NRXN3: variants seen among roughly 807,000 people sequenced by gnomAD.
NRXN3 encodes neurexin III.
In NRXN3, 32 loss-of-function variants were observed where a neutral mutation model predicts 137.6. The observed-to-expected ratio is 0.23, with a 90% CI of 0.18 to 0.31. The LOEUF is 0.31. NRXN3 is among the 10% of genes least tolerant of loss of function. The pLI, the probability that NRXN3 is intolerant of heterozygous loss-of-function variation, is 1.00. For synonymous variants in NRXN3, 798 were observed against 784.5 expected, an observed-to-expected ratio of 1.02 and a Z score of -0.29; for missense variants, 1,574 against 2,062.5, an observed-to-expected ratio of 0.76 and a Z score of 4.59.
intron 19 of NRXN3, among the ~76,000 whole-genome samples, chr14:79,743,491 G>A (rs1275026347): frequency 6.6e-6 from 1 of 152,030 alleles, no homozygotes; most frequent in Non-Finnish European, 1.5e-5. Flanking sequence ...CACAAACTTG[G>A]GCTAACAATG....
chr14:78,195,670 C>T (rs1173858914), intron 1 of NRXN3, among the ~76,000 whole-genome samples: 1 of 151,986 alleles, frequency 6.6e-6, no homozygotes, highest in Non-Finnish European at 1.5e-5. Context: ...CTTGGGTGGG[C>T]GTGAACTAGG....
chr14:79,457,632 C>T (rs935201097), intron 15 of NRXN3, among the ~76,000 whole-genome samples: 3 of 152,216 alleles, frequency 2.0e-5, no homozygotes, highest in Non-Finnish European at 4.4e-5. Flanking sequence ...CCAGAAAAAT[C>T]GTGTTGTATG....
At chr14:78,293,413 G>A (rs768978443) in intron 3 of NRXN3, among the ~76,000 whole-genome samples, 1 of 152,042 alleles carries the variant, frequency 6.6e-6, no homozygotes, top group Non-Finnish European at 1.5e-5. Flanking sequence ...CTCTTTATGT[G>A]TCATACAGAA....
intron 2 of NRXN3, among the ~76,000 whole-genome samples, chr14:78,255,905 T>C (rs919853936): frequency 2.6e-5 from 4 of 152,320 alleles, no homozygotes; most frequent in African/African-American, 9.6e-5. Flanking sequence ...ATCTGTTGAA[T>C]AAATTAATCA....
intron 4 of NRXN3, among the ~76,000 whole-genome samples, chr14:78,475,687 A>C (rs2095366247): frequency 6.6e-6 from 1 of 152,246 alleles, no homozygotes; most frequent in South Asian, 2.1e-4. Flanking sequence ...CCTCTGCTAC[A>C]ATCAGCTAAG....
intron 2 of NRXN3, among the ~76,000 whole-genome samples, chr14:78,254,276 A>G (rs2069133066): frequency 6.6e-6 from 1 of 152,140 alleles, no homozygotes; most frequent in South Asian, 2.1e-4. Context: ...CTCTTTTGTC[A>G]GTGCCTCATT....
At chr14:79,306,316 A>T (rs1203799467) in intron 15 of NRXN3, among the ~76,000 whole-genome samples, 4 of 151,506 alleles carry the variant, frequency 2.6e-5, no homozygotes, top group African/African-American at 9.7e-5. Flanking sequence ...CATTTAGACA[A>T]CTCTTCCTTT....
chr14:79,189,955 G>A (rs770838283), intron 15 of NRXN3, among the ~76,000 whole-genome samples: 1 of 152,094 alleles, frequency 6.6e-6, no homozygotes, highest in South Asian at 2.1e-4. Flanking sequence ...ATTTATGGCA[G>A]GGCAGGAATT....
At chr14:78,306,756 G>T (rs1270261783) in intron 4 of NRXN3, among the ~76,000 whole-genome samples, 1 of 152,092 alleles carries the variant, frequency 6.6e-6, no homozygotes, top group Admixed American at 6.6e-5. Flanking sequence ...CAGATCCTCT[G>T]CTTCAATATT....
At chr14:79,077,734 A>T (rs1198118035) in intron 15 of NRXN3, among the ~76,000 whole-genome samples, 1 of 152,174 alleles carries the variant, frequency 6.6e-6, no homozygotes, top group African/African-American at 2.4e-5. Context: ...CATTTTATAT[A>T]ACTATAATAT....
chr14:78,415,823 A>G (rs2093104977), intron 4 of NRXN3, among the ~76,000 whole-genome samples: 1 of 152,082 alleles, frequency 6.6e-6, no homozygotes, highest in African/African-American at 2.4e-5. Flanking sequence ...CTCTGCATGC[A>G]TGCACCAAGG....
intron 15 of NRXN3, among the ~76,000 whole-genome samples, chr14:79,434,494 G>A (rs766210933): frequency 1.3e-5 from 2 of 152,222 alleles, no homozygotes; most frequent in Non-Finnish European, 2.9e-5. Flanking sequence ...AAAGGCCCAT[G>A]GCCGGAAATG....
Position 79,026,537 on chromosome 14 carries a change from C to T in NRXN3, c.3262+38396C>T, listed in dbSNP as rs570061307. On this transcript the variant is annotated intron_variant, in intron 15 of 20. Transcript: ENST00000335750. ...AACAAACAAACCAGAAAAATTGAAT[C>T]AATGAAGACAATATCTGCCACCAGC... Among the ~76,000 whole-genome samples, 9 of 152,092 alleles carry T rather than the reference C, an allele frequency of 5.9e-5. No homozygotes were observed. The East Asian group carries it at 1.7e-3, about 30-fold the overall frequency.
At chr14:79,693,965 C>T (rs1002852813) in intron 18 of NRXN3, among the ~76,000 whole-genome samples, 14 of 151,904 alleles carry the variant, frequency 9.2e-5, no homozygotes, top group African/African-American at 3.4e-4. Context: ...ATTCTATTGT[C>T]TTACCTCTTC....
chr14:79,627,311 T>C (rs748921675), intron 16 of NRXN3, among the ~76,000 whole-genome samples: 1 of 152,162 alleles, frequency 6.6e-6, no homozygotes, highest in African/African-American at 2.4e-5. Context: ...AATGGGGGCA[T>C]GGACTGAAAC....
chr14:78,909,994 T>C (rs1202981301), intron 10 of NRXN3, among the ~76,000 whole-genome samples: 1 of 152,144 alleles, frequency 6.6e-6, no homozygotes, highest in Non-Finnish European at 1.5e-5. Context: ...CCCTCTTGCC[T>C]TCTCTTTACG....
chr14:79,469,977 G>A (rs1175690402), intron 16 of NRXN3, among the ~76,000 whole-genome samples: 1 of 152,116 alleles, frequency 6.6e-6, no homozygotes, highest in Non-Finnish European at 1.5e-5. Flanking sequence ...AGATACATCA[G>A]GGAAACAAAG....
intron 4 of NRXN3, among the ~76,000 whole-genome samples, chr14:78,343,592 G>A (rs2082377065): frequency 6.6e-6 from 1 of 152,194 alleles, no homozygotes; most frequent in Admixed American, 6.5e-5. Context: ...GAGTTTCAGA[G>A]TGTTAATGAC....
At chr14:78,970,332 A>C (rs765916547) in intron 14 of NRXN3, among the ~76,000 whole-genome samples, 2 of 152,238 alleles carry the variant, frequency 1.3e-5, no homozygotes, top group African/African-American at 2.4e-5. Flanking sequence ...TATTTTATTC[A>C]ATTTAACTAA....
Sources: allele counts gnomAD v4.1 joint callset (sites outside exome capture counted in the v4.1 genomes callset), GRCh38; gene constraint gnomAD v4.1.1; transcripts MANE v1.5; gene names NCBI Gene and HGNC (gene_info 2026-07-23, HGNC 2026-07-21).